Variants in OSTN observed in about 807,000 individuals in gnomAD.
OSTN encodes the protein osteocrin.
OSTN carries 9 observed loss-of-function variants against 12.0 expected under a neutral mutation model. The ratio of observed to expected loss-of-function variants is 0.75; its 90% CI spans 0.45 to 1.30. OSTN has a LOEUF of 1.30. Ranked by LOEUF, OSTN falls within the 50% of genes most tolerant of loss-of-function variation. OSTN has a pLI of 0.00. For synonymous variants in OSTN, 59 were observed against 56.9 expected, an observed-to-expected ratio of 1.04 and a Z score of -0.16; for missense variants, 148 against 152.3, an observed-to-expected ratio of 0.97 and a Z score of 0.15.
intron 3 of OSTN, among the ~76,000 whole-genome samples, chr3:191,225,143 G>A (rs1362154773): frequency 2.6e-5 from 4 of 152,014 alleles, no homozygotes; most frequent in African/African-American, 9.7e-5. Context: ...CATGGAAATA[G>A]TCATTACAAA....
In OSTN at chr3:191,239,953, C is replaced by T. The variant is rs191988896; in HGVS notation, c.318-10084C>T. Among the ~76,000 whole-genome samples the T allele has an allele frequency of 1.5e-3, 230 of 152,270 alleles. 1 individual carries two copies. Among genetic ancestry groups the T allele is most frequent in the Middle Eastern group, 0.014 (4 of 294 alleles). ...AAGTCTGTCTAATACAGGGAGAAAACAACAGGAAGCCCTGTGAAATTCAGA... is the reference window on the plus strand; with the variant it reads ...AAGTCTGTCTAATACAGGGAGAAAATAACAGGAAGCCCTGTGAAATTCAGA... On this transcript the variant is annotated intron_variant, in intron 3 of 4. Coordinates refer to ENST00000682035, the MANE Select transcript of OSTN (RefSeq NM_198184.2).
rs1281293942 is a variant in OSTN, at chr3:191,206,552, A to G, written c.1-5981A>G. 2.6e-5 allele frequency among the ~76,000 whole-genome samples: 4 copies of G among 152,218 alleles called. No homozygotes were observed. The East Asian group carries it at 7.7e-4, about 29-fold the overall frequency. ...CAGTTTTCCTAGCTAAATCTGCACT[A>G]TTCTCATTACCTACATGTTAAGTGT... On this transcript the variant is annotated intron_variant, in intron 1 of 4. Transcript: ENST00000682035.
At chr3:191,231,692 T>A (rs1227613046) in intron 3 of OSTN, among the ~76,000 whole-genome samples, 8 of 152,166 alleles carry the variant, frequency 5.3e-5, no homozygotes, top group Non-Finnish European at 1.5e-5. Context: ...GTTTTTCCCC[T>A]TATCAGGCAC....
At chr3:191,226,105 T>C (rs1181887571) in intron 3 of OSTN, among the ~76,000 whole-genome samples, 1 of 152,108 alleles carries the variant, frequency 6.6e-6, no homozygotes, top group Non-Finnish European at 1.5e-5. Context: ...ATTAGACTTA[T>C]CTCATATATG....
intron 2 of OSTN, among the ~76,000 whole-genome samples, chr3:191,215,208 A>C (rs547650983): frequency 6.6e-6 from 1 of 152,158 alleles, no homozygotes; most frequent in African/African-American, 2.4e-5. Flanking sequence ...AAACCACCAG[A>C]TCTTGTGAGA....
chr3:191,210,701 C>T (rs1190221254), intron 1 of OSTN, among the ~76,000 whole-genome samples: 1 of 152,166 alleles, frequency 6.6e-6, no homozygotes, highest in African/African-American at 2.4e-5. Flanking sequence ...TTACCCCCAG[C>T]AGGTTTTCCA....
intron 3 of OSTN, among the ~76,000 whole-genome samples, chr3:191,225,921 C>T (rs536422924): frequency 6.6e-5 from 10 of 152,060 alleles, no homozygotes; most frequent in Non-Finnish European, 1.0e-4. Context: ...ACCCCAGCAT[C>T]GCCCAATAAA....
chr3:191,250,039 AAGTAG>A lies in OSTN; in HGVS notation c.321_325del (p.Lys107AsnfsTer17). Reference sequence around the variant, plus strand: ...ATGTCCTCCTTGGTTTGTTTCAGGAAAGTAGTAGATCATCCAAAAAGGCGATTTGG... The same window carrying A: ...ATGTCCTCCTTGGTTTGTTTCAGGAATAGATCATCCAAAAAGGCGATTTGG... On this transcript the variant is annotated frameshift_variant, in exon 4 of 5. Coordinates refer to ENST00000682035, the MANE Select transcript of OSTN (RefSeq NM_198184.2). LOFTEE classifies it high-confidence loss of function. 6.2e-7 allele frequency: 1 copy of A among 1,612,286 alleles called. No individual in the cohort carries two copies. The highest frequency in any genetic ancestry group is 2.2e-5 in the East Asian group (1 of 44,850).
chr3:191,231,354 C>T (rs771774963), intron 3 of OSTN, among the ~76,000 whole-genome samples: 6 of 150,488 alleles, frequency 4.0e-5, no homozygotes, highest in Admixed American at 6.6e-5. Context: ...AAAAATCACA[C>T]ATATATATAT....
At chr3:191,238,928 C>T (rs557038691) in intron 3 of OSTN, among the ~76,000 whole-genome samples, 1 of 152,218 alleles carries the variant, frequency 6.6e-6, no homozygotes, top group South Asian at 2.1e-4. Context: ...AGACCCTAAC[C>T]CTCAAAAGAA....
At chr3:191,235,466 A>G (rs1240085274) in intron 3 of OSTN, among the ~76,000 whole-genome samples, 3 of 152,140 alleles carry the variant, frequency 2.0e-5, no homozygotes, top group Non-Finnish European at 4.4e-5. Context: ...AGAGAAGTAA[A>G]ACAAAGTCTT....
chr3:191,200,567 C>G (rs1714129624), intron 1 of OSTN, among the ~76,000 whole-genome samples: 1 of 152,070 alleles, frequency 6.6e-6, no homozygotes, highest in African/African-American at 2.4e-5. Flanking sequence ...CATTCTAGCT[C>G]TGCTATAATC....
At chr3:191,222,669 G>T (rs2108535529) in intron 3 of OSTN, among the ~76,000 whole-genome samples, 1 of 152,246 alleles carries the variant, frequency 6.6e-6, no homozygotes, top group African/African-American at 2.4e-5. Context: ...TTTTGAAATG[G>T]GAAGATATGA....
intron 3 of OSTN, among the ~76,000 whole-genome samples, chr3:191,245,618 G>A (rs1328177600): frequency 2.0e-5 from 3 of 152,126 alleles, no homozygotes; most frequent in South Asian, 4.1e-4. Flanking sequence ...CCACTATACC[G>A]CAGCTGCCTC....
intron 3 of OSTN, among the ~76,000 whole-genome samples, chr3:191,247,143 T>A (rs972852761): frequency 1.3e-5 from 2 of 152,216 alleles, no homozygotes; most frequent in Non-Finnish European, 2.9e-5. Context: ...CAAAGATAAT[T>A]TAAAATGTAA....
chr3:191,228,680 T>C (rs760701694), intron 3 of OSTN: 1 of 152,182 alleles, frequency 6.6e-6, no homozygotes, highest in African/African-American at 2.4e-5. Context: ...TCATTGCTTT[T>C]GAAAACATAT....
At chr3:191,202,904 T>C (rs1425788967) in intron 1 of OSTN, among the ~76,000 whole-genome samples, 1 of 152,228 alleles carries the variant, frequency 6.6e-6, no homozygotes, top group African/African-American at 2.4e-5. Context: ...TTAGGTAACA[T>C]AGTTTTATAT....
intron 3 of OSTN, among the ~76,000 whole-genome samples, chr3:191,221,131 C>T (rs11927147): frequency 0.1 from 15,248 of 152,190 alleles, 2,537 homozygotes; most frequent in African/African-American, 0.35. Context: ...TTGCTGCCAC[C>T]ATGTGGAGAA....
At chr3:191,248,544 C>G (rs1361601769) in intron 3 of OSTN, among the ~76,000 whole-genome samples, 1 of 151,568 alleles carries the variant, frequency 6.6e-6, no homozygotes, top group Non-Finnish European at 1.5e-5. Flanking sequence ...TGTTCTGAAG[C>G]AAATATTTTC....
Sources: allele counts gnomAD v4.1 joint callset (sites outside exome capture counted in the v4.1 genomes callset), GRCh38; gene constraint gnomAD v4.1.1; transcripts MANE v1.5; gene names NCBI Gene and HGNC (gene_info 2026-07-23, HGNC 2026-07-21).